The following TRABD2B variants were observed in gnomAD, a reference collection of about 807,000 sequenced individuals.
TRABD2B encodes metalloprotease TIKI2.
A neutral mutation model predicts 40.1 loss-of-function variants in TRABD2B; 14 were observed. That is an observed-to-expected ratio of 0.35 (90% CI 0.23 to 0.55). The LOEUF (loss-of-function observed/expected upper bound fraction) is 0.55, where lower values mean the gene tolerates loss of function less well. Ranked by LOEUF, TRABD2B falls within the 20% of genes least tolerant of loss-of-function variation. The pLI is 0.90. For synonymous variants in TRABD2B, 263 were observed against 277.0 expected, an observed-to-expected ratio of 0.95 and a Z score of 0.50; for missense variants, 541 against 648.6, an observed-to-expected ratio of 0.83 and a Z score of 1.80.
chr1:47,785,843 C>A (rs1022974408), intron 4 of TRABD2B, among the ~76,000 whole-genome samples: 4 of 152,212 alleles, frequency 2.6e-5, no homozygotes, highest in Non-Finnish European at 5.9e-5. Context: ...CCTGGGAGCT[C>A]CCTGTTGGCA....
At position 47,996,944 on chromosome 1, in the gene TRABD2B, G is replaced by C. The variant is rs897795109; in HGVS notation, c.-155C>G. 18 of 1,117,400 alleles carry C rather than the reference G, an allele frequency of 1.6e-5. No homozygotes were observed. Among genetic ancestry groups the C allele is most frequent in the Non-Finnish European group, 1.9e-5 (17 of 915,798 alleles). 69.2% of individuals were successfully genotyped at this position (1,117,400 alleles called of 1,614,324 possible). On this transcript the variant is annotated 5_prime_UTR_variant, in exon 1 of 7. Coordinates refer to ENST00000606738, the MANE Select transcript of TRABD2B (RefSeq NM_001194986.2). This position sits in a 1 kb window ranked among gnomAD's most constrained non-coding sequence, Gnocchi z 4.6. ...TGGGGCGTGGCTGACTGTCCCTGTC[G>C]GACCTGGGGGTTTCTCTGGGGCCGG...
chr1:47,851,917 C>T (rs1412231128), intron 2 of TRABD2B, among the ~76,000 whole-genome samples: 1 of 152,140 alleles, frequency 6.6e-6, no homozygotes, highest in African/African-American at 2.4e-5. Context: ...GATTTGAACC[C>T]AGACTGTCTG....
chr1:47,962,906 G>T (rs1305807602), intron 2 of TRABD2B, among the ~76,000 whole-genome samples: 3 of 152,126 alleles, frequency 2.0e-5, no homozygotes, highest in Admixed American at 2.0e-4. Context: ...ACAGGAAGGG[G>T]TATCTACTCC....
intron 2 of TRABD2B, among the ~76,000 whole-genome samples, chr1:47,924,333 T>C (rs1336784996): frequency 1.3e-5 from 2 of 152,158 alleles, no homozygotes; most frequent in African/African-American, 2.4e-5. Context: ...CAGAACACAG[T>C]ACAGCAGTGC....
intron 2 of TRABD2B, among the ~76,000 whole-genome samples, chr1:47,862,177 T>C (rs1643982666): frequency 6.6e-6 from 1 of 152,180 alleles, no homozygotes; most frequent in Non-Finnish European, 1.5e-5. Context: ...CTCACAAAGA[T>C]CAGGAACAAA....
At chr1:47,828,559 G>C (rs968153901) in intron 2 of TRABD2B, among the ~76,000 whole-genome samples, 2 of 152,202 alleles carry the variant, frequency 1.3e-5, no homozygotes, top group Admixed American at 1.3e-4. Flanking sequence ...AAAATACTCA[G>C]CAAATGATTC....
intron 2 of TRABD2B, among the ~76,000 whole-genome samples, chr1:47,859,649 G>C (rs902470827): frequency 5.3e-5 from 8 of 152,126 alleles, no homozygotes; most frequent in Non-Finnish European, 4.4e-5. Context: ...TGCTCATCGT[G>C]GTGGAAGAAG....
At chr1:47,884,117 T>TC (rs2124632626) in intron 2 of TRABD2B, among the ~76,000 whole-genome samples, 1 of 152,336 alleles carries the variant, frequency 6.6e-6, no homozygotes, top group South Asian at 2.1e-4. Context: ...ACAGTGCTAG[T>TC]CATTAGGTGC....
intron 2 of TRABD2B, among the ~76,000 whole-genome samples, chr1:47,943,784 A>G (rs1159904429): frequency 6.6e-6 from 1 of 151,896 alleles, no homozygotes; most frequent in Admixed American, 6.6e-5. Context: ...ACACACACAC[A>G]CACACACACA....
rs368422020 is a variant in TRABD2B, at chr1:47,767,332, G to A, written c.1350-1226C>T. ...CACCGGGGGGCAGCAGGTAGATGAA[G>A]GGAAGGCCATGAGGGCCTCCCGGAA... On this transcript the variant is annotated intron_variant, in intron 6 of 6. Coordinates refer to ENST00000606738, the MANE Select transcript of TRABD2B (RefSeq NM_001194986.2). 5.0e-3 allele frequency among the ~76,000 whole-genome samples: 763 copies of A among 152,302 alleles called. 5 individuals carry two copies. Among genetic ancestry groups the A allele is most frequent in the African/African-American group, 0.018 (732 of 41,572 alleles).
intron 3 of TRABD2B, among the ~76,000 whole-genome samples, chr1:47,796,768 T>G (rs545203149): frequency 6.6e-6 from 1 of 152,170 alleles, no homozygotes; most frequent in Non-Finnish European, 1.5e-5. Flanking sequence ...GAGTTGGCAA[T>G]GGAATTCTTA....
At chr1:47,793,879 C>G (rs1644709083) in intron 4 of TRABD2B, among the ~76,000 whole-genome samples, 1 of 152,044 alleles carries the variant, frequency 6.6e-6, no homozygotes, top group African/African-American at 2.4e-5. Context: ...ATGTAGACTC[C>G]CCTTTGCATG....
intron 2 of TRABD2B, among the ~76,000 whole-genome samples, chr1:47,828,363 G>A (rs1250875122): frequency 6.6e-6 from 1 of 152,162 alleles, no homozygotes; most frequent in African/African-American, 2.4e-5. Context: ...CTATGTGGGT[G>A]AGGGGGACAG....
rs1315449549 is a variant in TRABD2B at position 47,983,409 on chromosome 1, A to C, written c.666+10625T>G. 2.6e-4 allele frequency among the ~76,000 whole-genome samples: 40 copies of C among 152,148 alleles called. 1 individual carries two copies. Among genetic ancestry groups the C allele is most frequent in the Non-Finnish European group, 2.9e-5 (2 of 68,026 alleles). ...GGGCTTAATACCTGGGTGATGAAAT[A>C]ATCTGTACAAAAAACCCTCTGTGAC... On this transcript the variant is annotated intron_variant, in intron 2 of 6. Coordinates refer to ENST00000606738, the MANE Select transcript of TRABD2B (RefSeq NM_001194986.2).
chr1:47,771,849 G>T (rs1009939935), intron 6 of TRABD2B, among the ~76,000 whole-genome samples: 1 of 152,120 alleles, frequency 6.6e-6, no homozygotes, highest in Non-Finnish European at 1.5e-5. Context: ...TTACATCTCC[G>T]GTAATGAGGG....
Position 47,765,154 on chromosome 1 carries a change from G to C in TRABD2B, c.*748C>G, listed in dbSNP as rs1028768960. ...TTATGTCCTCACTCTCCCACTTGCC[G>C]TGTGACCTTGGGCTACCCACCTGGT... On this transcript the variant is annotated 3_prime_UTR_variant, in exon 7 of 7. Transcript: ENST00000606738. 6.6e-6 allele frequency: 1 copy of C among 152,226 alleles called. No individual in the cohort carries two copies. The highest frequency in any genetic ancestry group is 6.5e-5 in the Admixed American group (1 of 15,270). The allele number at this position is 152,226 out of a possible 1,614,324, so 9.4% of individuals were successfully genotyped here.
intron 6 of TRABD2B, among the ~76,000 whole-genome samples, chr1:47,774,859 C>G (rs980590348): frequency 7.2e-5 from 11 of 152,242 alleles, no homozygotes. Context: ...GTCCATGGGA[C>G]AAATGGCGCC....
chr1:47,907,149 G>A (rs924760713), intron 2 of TRABD2B, among the ~76,000 whole-genome samples: 1 of 152,206 alleles, frequency 6.6e-6, no homozygotes, highest in Non-Finnish European at 1.5e-5. Context: ...GATGCTATAA[G>A]CTCCAGCAGC....
At chr1:47,943,107 C>T (rs1246651353) in intron 2 of TRABD2B, among the ~76,000 whole-genome samples, 1 of 152,122 alleles carries the variant, frequency 6.6e-6, no homozygotes, top group African/African-American at 2.4e-5. Flanking sequence ...GCCTTGGTTC[C>T]CCAATTTAAA....
Sources: gnomAD v4.1 joint callset for allele counts (sites outside exome capture counted in the v4.1 genomes callset) on GRCh38, gnomAD v4.1.1 for gene constraint, Gnocchi (gnomAD v3.1) non-coding constraint, MANE v1.5 for transcripts, NCBI Gene and HGNC (gene_info 2026-07-23, HGNC 2026-07-21) for gene names.